Variants in CAMKMT observed in about 807,000 individuals in gnomAD.
CAMKMT encodes calmodulin-lysine N-methyltransferase.
CAMKMT carries 53 observed loss-of-function variants against 48.0 expected under a neutral mutation model. The ratio of observed to expected loss-of-function variants is 1.10; its 90% CI spans 0.89 to 1.39. CAMKMT has a LOEUF of 1.39. Ranked by LOEUF, CAMKMT falls within the 40% of genes most tolerant of loss-of-function variation. The probability of loss-of-function intolerance (pLI) is 0.00; values close to 1 mark genes in which losing one functional copy is unlikely to be tolerated. For synonymous variants in CAMKMT, 165 were observed against 152.3 expected (o/e 1.08, Z -0.61); for missense variants, 428 against 402.7 (o/e 1.06, Z -0.54).
At chr2:44,634,728 A>C (rs912545906) in intron 3 of CAMKMT, among the ~76,000 whole-genome samples, 3 of 136,850 alleles carry the variant, frequency 2.2e-5, no homozygotes, top group Non-Finnish European at 3.1e-5. Context: ...AAGTAACTAT[A>C]TGGTGTGGGG....
chr2:44,650,277 G>A (rs528677444), intron 3 of CAMKMT, among the ~76,000 whole-genome samples: 112 of 152,136 alleles, frequency 7.4e-4, no homozygotes, highest in African/African-American at 1.3e-3. Flanking sequence ...CACCTTTGTC[G>A]TCACCTGGTG....
chr2:44,610,159 T>G (rs969601872), intron 3 of CAMKMT, among the ~76,000 whole-genome samples: 3 of 152,194 alleles, frequency 2.0e-5, no homozygotes, highest in Non-Finnish European at 4.4e-5. Context: ...AGAGATTTAT[T>G]GAGCATCTAT....
chr2:44,525,344 C>G (rs1345959867), intron 3 of CAMKMT, among the ~76,000 whole-genome samples: 2 of 152,050 alleles, frequency 1.3e-5, no homozygotes, highest in African/African-American at 4.8e-5. Flanking sequence ...CAACCTCTGC[C>G]TCCCGGATTC....
Position 44,415,523 on chromosome 2 carries a change from G to T in CAMKMT, c.376+25218G>T, listed in dbSNP as rs184787193. 5.9e-5 allele frequency among the ~76,000 whole-genome samples: 9 copies of T among 152,264 alleles called. No individual in the cohort carries two copies. The East Asian group carries it at 1.7e-3, about 29-fold the overall frequency. ...TTAAGATAATCACATGAATAAATTA[G>T]TGGCAATAATTTCTTTGAGTCTTTT... is the stretch of plus-strand genomic sequence containing the variant. On this transcript the variant is annotated intron_variant, in intron 3 of 10. Coordinates refer to ENST00000378494, the MANE Select transcript of CAMKMT (RefSeq NM_024766.5).
rs1178451695 is a variant in CAMKMT, at chr2:44,657,309, T to C, written c.377-46974T>C. Among the ~76,000 whole-genome samples, 1 of 152,200 alleles carries C rather than the reference T, an allele frequency of 6.6e-6. No homozygotes were observed. Among genetic ancestry groups the C allele is most frequent in the Admixed American group, 6.5e-5 (1 of 15,282 alleles). On this transcript the variant is annotated intron_variant, in intron 3 of 10. Coordinates refer to ENST00000378494, the MANE Select transcript of CAMKMT (RefSeq NM_024766.5). The surrounding 1 kb of genome is among the most constrained non-coding windows in gnomAD (Gnocchi z 4.3). ...AAGAGTGTTGCACAAGTTAATTGATTTTCAGTGGTTACATATAACATATCA... is the reference window on the plus strand; with the variant it reads ...AAGAGTGTTGCACAAGTTAATTGATCTTCAGTGGTTACATATAACATATCA...
chr2:44,480,518 GA>G (rs11316591), intron 3 of CAMKMT, among the ~76,000 whole-genome samples: 2,679 of 152,236 alleles, frequency 0.018, 83 homozygotes, highest in African/African-American at 0.062. Flanking sequence ...TGCCTATTCA[GA>G]AATTCAGCAA....
intron 3 of CAMKMT, among the ~76,000 whole-genome samples, chr2:44,615,985 A>G (rs1671867280): frequency 6.6e-6 from 1 of 152,148 alleles, no homozygotes; most frequent in Non-Finnish European, 1.5e-5. Flanking sequence ...CTCTCCCTCT[A>G]GTTTCCCTAG....
rs57970764 is a variant in CAMKMT at position 44,538,958 on chromosome 2, CTGTGTGTGTGTGTGTGTGTG to C, written c.376+148679_376+148698del. On this transcript the variant is annotated intron_variant, in intron 3 of 10. Coordinates refer to ENST00000378494, the MANE Select transcript of CAMKMT (RefSeq NM_024766.5). ...TTTCTCTCTCTTTCTGTGTGTGTGT[CTGTGTGTGTGTGTGTGTGTG>C]TGTGTGTGTGTGTGTGTGTGTGTGT... 3.1e-3 allele frequency among the ~76,000 whole-genome samples: 440 copies of C among 140,220 alleles called. 3 individuals are homozygous for C. Among genetic ancestry groups the C allele is most frequent in the African/African-American group, 0.011 (420 of 37,786 alleles). 92.0% of individuals were successfully genotyped at this position (140,220 alleles called of 152,430 possible). A position where few individuals can be genotyped will look rare whatever the true frequency, so the allele number is the denominator to read the frequency against.
At chr2:44,658,718 T>A (rs1216027741) in intron 3 of CAMKMT, among the ~76,000 whole-genome samples, 1 of 152,096 alleles carries the variant, frequency 6.6e-6, no homozygotes, top group Non-Finnish European at 1.5e-5. Context: ...TTTATTCTCC[T>A]CACCACTCTT....
chr2:44,402,740 G>GCT (rs1553380291), intron 3 of CAMKMT, among the ~76,000 whole-genome samples: 1 of 94,106 alleles, frequency 1.1e-5, no homozygotes, highest in South Asian at 4.0e-4. Context: ...TTGTTTTGCT[G>GCT]TTTTTTTTTT....
chr2:44,594,904 A>G (rs1365658529), intron 3 of CAMKMT, among the ~76,000 whole-genome samples: 2 of 152,244 alleles, frequency 1.3e-5, no homozygotes, highest in Non-Finnish European at 2.9e-5. Context: ...AACTTTTGCA[A>G]TCTATCCATC....
intron 3 of CAMKMT, among the ~76,000 whole-genome samples, chr2:44,590,872 T>C (rs1214090905): frequency 6.6e-6 from 1 of 151,498 alleles, no homozygotes; most frequent in African/African-American, 2.4e-5. Context: ...TCTTCTAGGG[T>C]TTTTATGGTT....
chr2:44,502,046 C>G (rs574617963), intron 3 of CAMKMT, among the ~76,000 whole-genome samples: 7 of 152,108 alleles, frequency 4.6e-5, no homozygotes, highest in Middle Eastern at 3.4e-3. Context: ...CATGGTGAAA[C>G]TTGTCTCTAC....
intron 3 of CAMKMT, chr2:44,631,490 G>A: frequency 1.6e-6 from 1 of 619,976 alleles, no homozygotes; most frequent in South Asian, 2.0e-5. Flanking sequence ...TTTTTGTACA[G>A]ATGATGTCTC....
chr2:44,693,332 G>A (rs189414122), intron 3 of CAMKMT, among the ~76,000 whole-genome samples: 11 of 152,240 alleles, frequency 7.2e-5, no homozygotes, highest in Non-Finnish European at 1.0e-4. Context: ...GGGCCTGAGG[G>A]GTCTGGCCCC....
intron 1 of CAMKMT, among the ~76,000 whole-genome samples, chr2:44,363,564 G>C (rs1336784548): frequency 6.6e-6 from 1 of 150,536 alleles, no homozygotes. Flanking sequence ...TTTTTAAGTA[G>C]AGACGGGGTT....
At chr2:44,766,281 T>C in intron 9 of CAMKMT, 149 bp from the exon 10 acceptor site, 1 of 767,212 alleles carries the variant, frequency 1.3e-6, no homozygotes, top group Middle Eastern at 3.4e-4. Flanking sequence ...GAAATTATTC[T>C]CACTGTGAAT....
chr2:44,674,596 AGT>A (rs1224273438), intron 3 of CAMKMT, among the ~76,000 whole-genome samples: 1 of 152,202 alleles, frequency 6.6e-6, no homozygotes, highest in Non-Finnish European at 1.5e-5. Context: ...CCTCAACCAA[AGT>A]GCCCTACTGT....
intron 3 of CAMKMT, among the ~76,000 whole-genome samples, chr2:44,540,526 G>T (rs1055622178): frequency 6.6e-6 from 1 of 152,066 alleles, no homozygotes; most frequent in Non-Finnish European, 1.5e-5. Flanking sequence ...CGAGGTGTGC[G>T]GATCCCTTGA....
Sources: gnomAD v4.1 joint callset for allele counts (sites outside exome capture counted in the v4.1 genomes callset) on GRCh38, gnomAD v4.1.1 for gene constraint, Gnocchi (gnomAD v3.1) non-coding constraint, MANE v1.5 for transcripts, NCBI Gene and HGNC (gene_info 2026-07-23, HGNC 2026-07-21) for gene names.